ZNF69: variants seen among roughly 807,000 people sequenced by gnomAD.
ZNF69 encodes the protein zinc finger protein 69.
In ZNF69, 47 loss-of-function variants were observed where a neutral mutation model predicts 50.9. That is an observed-to-expected ratio of 0.92 (90% CI 0.73 to 1.18). The LOEUF is 1.18. Among genes scored for constraint, ZNF69 ranks in the 50% most tolerant of loss-of-function variants. ZNF69 has a pLI of 0.00. For missense variants in ZNF69, 717 were observed against 675.1 expected (o/e 1.06, Z -0.69); for synonymous variants, 216 against 223.1 (o/e 0.97, Z 0.29).
chr19:11,959,437 A>G, the ZNF69 span, among the ~76,000 whole-genome samples: 1 of 152,110 alleles, frequency 6.6e-6, no homozygotes, highest in Non-Finnish European at 1.5e-5. Context: ...CAAAGTTTTG[A>G]TTCTTTTTGT....
chr19:11,954,173 A>G, the ZNF69 span, among the ~76,000 whole-genome samples: 1 of 152,208 alleles, frequency 6.6e-6, no homozygotes, highest in Non-Finnish European at 1.5e-5. Flanking sequence ...CAATAAGACA[A>G]AAACTTATAT....
At position 11,905,674 on chromosome 19, in the gene ZNF69, G is replaced by A; in HGVS notation, c.1277G>A (p.Arg426Lys). The stretch of plus-strand genomic sequence containing the variant: ...TGTAAGCAATGTGGGAAGGCCTTCA[G>A]ATCTTCCTCACACCTTCAATTGCAT... ...YECKQCGKAF[R>K]SSSHLQLHGR... is the part of the protein sequence containing the mutation. Residue 426 changes from arginine to lysine, a missense_variant, in exon 4 of 4, where the codon AGA (arginine) becomes AAA (lysine). Physicochemically the swap from Arg to Lys is conservative, Grantham distance 26. Coordinates refer to ENST00000429654, the MANE Select transcript of ZNF69 (RefSeq NM_001364730.1). The A allele has an allele frequency of 1.2e-6, 2 of 1,613,990 alleles. No homozygotes were observed. Among genetic ancestry groups the A allele is most frequent in the African/African-American group, 1.3e-5 (1 of 75,010 alleles).
At chr19:11,943,425 A>G in the ZNF69 span, among the ~76,000 whole-genome samples, 1 of 152,210 alleles carries the variant, frequency 6.6e-6, no homozygotes, top group Non-Finnish European at 1.5e-5. Flanking sequence ...CAGTTTTAGT[A>G]GTGATTATTT....
the ZNF69 span, among the ~76,000 whole-genome samples, chr19:11,966,174 G>A: frequency 6.6e-6 from 1 of 152,276 alleles, no homozygotes; most frequent in Middle Eastern, 3.4e-3. Context: ...GCCACAAGGA[G>A]TCTGTTTTTC....
At chr19:11,948,209 T>C in the ZNF69 span, 1 of 1,539,598 alleles carries the variant, frequency 6.5e-7, no homozygotes, top group Non-Finnish European at 8.8e-7. Context: ...GCAAGTGCAA[T>C]ACTTGTTGAT....
chr19:11,950,351 G>C, the ZNF69 span: 1 of 1,277,306 alleles, frequency 7.8e-7, no homozygotes, highest in South Asian at 1.3e-5. Context: ...AGTTCTTTTC[G>C]ATATCATGAA....
the ZNF69 span, among the ~76,000 whole-genome samples, chr19:11,940,244 T>C: frequency 6.6e-6 from 1 of 152,218 alleles, no homozygotes; most frequent in African/African-American, 2.4e-5. Flanking sequence ...TGTTATTTTC[T>C]AAGTATAAAT....
chr19:11,907,147 G>A (rs1972390532), downstream of ZNF69, among the ~76,000 whole-genome samples: 1 of 152,192 alleles, frequency 6.6e-6, no homozygotes, highest in African/African-American at 2.4e-5. Context: ...AAAAAGAAAT[G>A]AAAAAGCCTC....
At chr19:11,954,278 A>G in the ZNF69 span, among the ~76,000 whole-genome samples, 1 of 152,208 alleles carries the variant, frequency 6.6e-6, no homozygotes, top group Non-Finnish European at 1.5e-5. Flanking sequence ...CAGATTCTGC[A>G]AGAGGAAAGG....
chr19:11,964,566 G>A, the ZNF69 span, among the ~76,000 whole-genome samples: 126 of 152,218 alleles, frequency 8.3e-4, no homozygotes, highest in Non-Finnish European at 1.5e-3. Context: ...GGAGGGGATG[G>A]GGGTGTGTGA....
At chr19:11,962,982 C>T in the ZNF69 span, among the ~76,000 whole-genome samples, 2 of 151,898 alleles carry the variant, frequency 1.3e-5, no homozygotes, top group Non-Finnish European at 2.9e-5. Flanking sequence ...TCTTATGTGG[C>T]GGAATGATCC....
intron 1 of ZNF69, among the ~76,000 whole-genome samples, chr19:11,900,656 C>G (rs181354908): frequency 1.3e-5 from 2 of 152,242 alleles, no homozygotes; most frequent in Non-Finnish European, 2.9e-5. Context: ...CGGCCTTTTG[C>G]TTATTTTTTG....
At chr19:11,978,991 G>C in the ZNF69 span, 1 of 1,614,156 alleles carries the variant, frequency 6.2e-7, no homozygotes, top group Non-Finnish European at 8.5e-7. Context: ...AGTTCCCTTC[G>C]TAGACATGAA....
chr19:11,937,552 C>T, the ZNF69 span, among the ~76,000 whole-genome samples: 1 of 149,638 alleles, frequency 6.7e-6, no homozygotes. Flanking sequence ...GCAGTGGCGC[C>T]ATCTCGGCTC....
At chr19:11,890,650 G>A (rs138641599) in intron 1 of ZNF69, among the ~76,000 whole-genome samples, 15 of 152,222 alleles carry the variant, frequency 9.9e-5, no homozygotes, top group African/African-American at 3.1e-4. Context: ...AGTAGAGATG[G>A]GGTTTCACCA....
chr19:11,901,685 T>G (rs1388284121), intron 1 of ZNF69, among the ~76,000 whole-genome samples: 1 of 151,932 alleles, frequency 6.6e-6, no homozygotes, highest in Non-Finnish European at 1.5e-5. Flanking sequence ...ATTTCCACCA[T>G]GTTGGCCAGA....
chr19:11,921,116 T>C, the ZNF69 span, among the ~76,000 whole-genome samples: 3 of 152,150 alleles, frequency 2.0e-5, no homozygotes, highest in Admixed American at 2.0e-4. Flanking sequence ...TTGGACTCAG[T>C]GTCAGATAAA....
At chr19:11,891,979 T>G (rs1255708856) in intron 1 of ZNF69, among the ~76,000 whole-genome samples, 1 of 152,022 alleles carries the variant, frequency 6.6e-6, no homozygotes, top group African/African-American at 2.4e-5. Context: ...TACAATAATT[T>G]AATTTTATTT....
At chr19:11,932,932 C>T in the ZNF69 span, among the ~76,000 whole-genome samples, 6 of 148,294 alleles carry the variant, frequency 4.0e-5, 2 homozygotes, top group South Asian at 2.1e-4. Flanking sequence ...CCACTGCACC[C>T]GGCCAATATG....
Sources: allele counts gnomAD v4.1 joint callset (sites outside exome capture counted in the v4.1 genomes callset), GRCh38; gene constraint gnomAD v4.1.1; transcripts MANE v1.5; gene names NCBI Gene and HGNC (gene_info 2026-07-23, HGNC 2026-07-21).